Variants in BABAM2 observed in about 807,000 individuals in gnomAD.
BABAM2 encodes the protein BRISC and BRCA1 A complex member 2.
Under a neutral mutation model 54.7 loss-of-function variants are expected in BABAM2, and 31 were observed. That is an observed-to-expected ratio of 0.57 (90% CI 0.43 to 0.77). BABAM2 has a LOEUF of 0.77. BABAM2 is among the 30% of genes least tolerant of loss of function. The probability of loss-of-function intolerance (pLI) is 0.00; values close to 1 mark genes in which losing one functional copy is unlikely to be tolerated. For synonymous variants in BABAM2, 167 were observed against 162.9 expected, an observed-to-expected ratio of 1.03 and a Z score of -0.19; for missense variants, 364 against 455.8, an observed-to-expected ratio of 0.80 and a Z score of 1.83.
intron 7 of BABAM2, among the ~76,000 whole-genome samples, chr2:28,134,999 A>G (rs1199408842): frequency 3.3e-5 from 5 of 152,206 alleles, no homozygotes; most frequent in African/African-American, 1.2e-4. Flanking sequence ...TCTTCTGTGA[A>G]GAGGAATAAA....
intron 6 of BABAM2, among the ~76,000 whole-genome samples, chr2:28,080,007 C>T (rs1665025250): frequency 6.6e-6 from 1 of 152,112 alleles, no homozygotes; most frequent in Admixed American, 6.5e-5. Flanking sequence ...GGTTAGTATA[C>T]ACTGTTTTGC....
chr2:28,040,204 T>G (rs1676960365), intron 5 of BABAM2, among the ~76,000 whole-genome samples: 1 of 152,066 alleles, frequency 6.6e-6, no homozygotes, highest in South Asian at 2.1e-4. Context: ...ACATTAAGAT[T>G]GTTTTAAAAT....
intron 10 of BABAM2, among the ~76,000 whole-genome samples, chr2:28,256,135 T>C (rs945336038): frequency 1.3e-5 from 2 of 152,220 alleles, no homozygotes; most frequent in African/African-American, 4.8e-5. Flanking sequence ...AGTTATGATA[T>C]AGAGATGTAT....
intron 6 of BABAM2, among the ~76,000 whole-genome samples, chr2:28,107,291 C>T (rs986079704): frequency 6.6e-6 from 1 of 152,168 alleles, no homozygotes; most frequent in Non-Finnish European, 1.5e-5. Context: ...TTGAATCCAG[C>T]CTTCCAAAGC....
chr2:27,929,474 A>G (rs959391640), intron 2 of BABAM2, among the ~76,000 whole-genome samples: 1 of 152,234 alleles, frequency 6.6e-6, no homozygotes, highest in Non-Finnish European at 1.5e-5. Flanking sequence ...AAATATGATC[A>G]TAAAACTATT....
rs115970537 is a variant in BABAM2, at chr2:27,933,461, T to A, written c.205+3553T>A. On this transcript the variant is annotated intron_variant, in intron 3 of 11. Transcript: ENST00000379624. ...GAATTAGAAAGATGAGTTTTTTTTTTAAAAAACACATATATATGTATGTAT... is the reference window on the plus strand; with the variant it reads ...GAATTAGAAAGATGAGTTTTTTTTTAAAAAAACACATATATATGTATGTAT... Among the ~76,000 whole-genome samples, 1,055 of 151,370 alleles carry A rather than the reference T, an allele frequency of 7.0e-3. 4 individuals are homozygous for A. Among genetic ancestry groups the A allele is most frequent in the Middle Eastern group, 0.024 (7 of 294 alleles).
chr2:28,172,087 ATG>A (rs10612484), intron 7 of BABAM2, among the ~76,000 whole-genome samples: 31,145 of 149,586 alleles, frequency 0.21, 4,128 homozygotes, highest in African/African-American at 0.39. Flanking sequence ...TTTGTTTGAA[ATG>A]TGTGTGTGTG....
intron 3 of BABAM2, among the ~76,000 whole-genome samples, chr2:27,967,005 T>C (rs939925222): frequency 4.2e-4 from 64 of 152,350 alleles, no homozygotes; most frequent in Admixed American, 2.0e-3. Context: ...GTCAGAGATA[T>C]GATTTTATAA....
Position 28,112,177 on chromosome 2 carries a change from CCCTCCCTCCCTCCCTCCCTCCCTT to C in BABAM2, c.571-17090_571-17067del, listed in dbSNP as rs565629412. On this transcript the variant is annotated intron_variant, in intron 6 of 11. Coordinates refer to ENST00000379624, the MANE Select transcript of BABAM2 (RefSeq NM_199191.3). Reference sequence around the variant, plus strand: ...TCCCTCCCTCCCTCCCTCCCTCCCTCCCTCCCTCCCTCCCTCCCTCCCTTCCTTCCTTCCTTCCTTCCTTCCTTC... The same window carrying C: ...TCCCTCCCTCCCTCCCTCCCTCCCTCCCTTCCTTCCTTCCTTCCTTCCTTC... Among the ~76,000 whole-genome samples, 78 of 33,686 alleles carry C rather than the reference CCCTCCCTCCCTCCCTCCCTCCCTT, an allele frequency of 2.3e-3. 4 individuals carry two copies. The highest frequency in any genetic ancestry group is 2.1e-3 in the Non-Finnish European group (36 of 17,496). 22.1% of individuals were successfully genotyped at this position (33,686 alleles called of 152,430 possible).
chr2:27,905,410 A>G (rs571171342), intron 2 of BABAM2, among the ~76,000 whole-genome samples: 1 of 152,184 alleles, frequency 6.6e-6, no homozygotes, highest in Non-Finnish European at 1.5e-5. Flanking sequence ...GATAGGTCTC[A>G]TAACCTTTCG....
At chr2:28,104,068 A>T (rs1447593502) in intron 6 of BABAM2, among the ~76,000 whole-genome samples, 1 of 152,230 alleles carries the variant, frequency 6.6e-6, no homozygotes, top group Admixed American at 6.5e-5. Context: ...CTTAAATGTT[A>T]GACCTAAAAC....
chr2:28,327,581 C>G (rs1690584128), intron 11 of BABAM2: 5 of 1,044,498 alleles, frequency 4.8e-6, no homozygotes, highest in Non-Finnish European at 6.7e-6. Context: ...TCAACACATA[C>G]TGAGACCACA....
At chr2:28,122,241 T>TA (rs1223889765) in intron 6 of BABAM2, among the ~76,000 whole-genome samples, 4 of 152,096 alleles carry the variant, frequency 2.6e-5, no homozygotes, top group Non-Finnish European at 5.9e-5. Context: ...ATGAAGTACT[T>TA]ACCTAGACCT....
chr2:28,307,678 A>G (rs888172032), intron 11 of BABAM2: 9 of 152,182 alleles, frequency 5.9e-5, no homozygotes, highest in African/African-American at 2.2e-4. Flanking sequence ...TATTTTATGA[A>G]TTCCACAATA....
intron 6 of BABAM2, among the ~76,000 whole-genome samples, chr2:28,056,767 A>G (rs187102895): frequency 1.3e-5 from 2 of 152,368 alleles, no homozygotes; most frequent in African/African-American, 4.8e-5. Context: ...ACTAAATGCA[A>G]AGTACACTAA....
At chr2:28,071,402 T>G (rs1316465725) in intron 6 of BABAM2, among the ~76,000 whole-genome samples, 1 of 152,240 alleles carries the variant, frequency 6.6e-6, no homozygotes, top group East Asian at 1.9e-4. Context: ...TCCTGTGTAT[T>G]TACTGCCAAT....
chr2:28,117,177 T>C (rs1212041568), intron 6 of BABAM2, among the ~76,000 whole-genome samples: 2 of 152,212 alleles, frequency 1.3e-5, no homozygotes, highest in African/African-American at 2.4e-5. Context: ...CAGATTGCTC[T>C]AGCAAAGCTT....
At chr2:28,039,913 A>T (rs1276232110) in intron 5 of BABAM2, among the ~76,000 whole-genome samples, 3 of 152,160 alleles carry the variant, frequency 2.0e-5, no homozygotes, top group Non-Finnish European at 4.4e-5. Context: ...CATAGGTTAG[A>T]TAATTTTCTG....
At chr2:28,168,765 G>C (rs1673996208) in intron 7 of BABAM2, among the ~76,000 whole-genome samples, 1 of 152,172 alleles carries the variant, frequency 6.6e-6, no homozygotes, top group Non-Finnish European at 1.5e-5. Flanking sequence ...GAAAACATCA[G>C]GAAGATTAAT....
Sources: allele counts gnomAD v4.1 joint callset (sites outside exome capture counted in the v4.1 genomes callset), GRCh38; gene constraint gnomAD v4.1.1; transcripts MANE v1.5; gene names NCBI Gene and HGNC (gene_info 2026-07-23, HGNC 2026-07-21).